The following HSF2 variants were observed in gnomAD, a reference collection of about 807,000 sequenced individuals.
HSF2 encodes the protein heat shock transcription factor 2.
Under a neutral mutation model 65.0 loss-of-function variants are expected in HSF2, and 21 were observed. The observed-to-expected ratio is 0.32, with a 90% CI of 0.23 to 0.47. The LOEUF (loss-of-function observed/expected upper bound fraction) is 0.47, where lower values mean the gene tolerates loss of function less well. Ranked by LOEUF, HSF2 falls within the 20% of genes least tolerant of loss-of-function variation. The pLI, the probability that HSF2 is intolerant of heterozygous loss-of-function variation, is 1.00. For synonymous variants in HSF2, 225 were observed against 219.1 expected, an observed-to-expected ratio of 1.03 and a Z score of -0.24; for missense variants, 499 against 628.1, an observed-to-expected ratio of 0.79 and a Z score of 2.20.
intron 1 of HSF2, 119 bp downstream of exon 1, chr6:122,399,949 G>A: frequency 1.3e-6 from 1 of 783,442 alleles, no homozygotes; most frequent in Non-Finnish European, 2.1e-6. Flanking sequence ...CCCGCGGTGC[G>A]GGGCCTTGGC....
chr6:122,422,753 A>G lies in HSF2; in HGVS notation c.866A>G (p.Asp289Gly), dbSNP rs1347543515. ...SQYPDIVIVEDDNEDEYAPVI... is the reference protein window; with the variant it reads ...SQYPDIVIVEGDNEDEYAPVI... ...TACCCTGATATTGTCATCGTTGAAGATGACAATGAAGATGAGTATGCACCT... is the reference window on the plus strand; with the variant it reads ...TACCCTGATATTGTCATCGTTGAAGGTGACAATGAAGATGAGTATGCACCT... The change falls in exon 9 of 13, where the codon GAT becomes GGT. Residue 289 changes from aspartate to glycine, a missense_variant. Coordinates refer to ENST00000368455, the MANE Select transcript of HSF2 (RefSeq NM_004506.4). 1.2e-6 allele frequency: 2 copies of G among 1,613,308 alleles called. No individual in the cohort carries two copies. The highest frequency in any genetic ancestry group is 1.3e-5 in the African/African-American group (1 of 74,884).
At position 122,416,309 on chromosome 6, in the gene HSF2, T is replaced by A; in HGVS notation, c.531+13T>A. 1 of 1,591,502 alleles carries A rather than the reference T, an allele frequency of 6.3e-7. No individual in the cohort carries two copies. Among genetic ancestry groups the A allele is most frequent in the Non-Finnish European group, 8.6e-7 (1 of 1,159,892 alleles). On this transcript the variant is annotated intron_variant, in intron 5 of 12. Transcript: ENST00000368455. ...AGTTATTCGAAAGGTAAGAAGCTCT[T>A]TTCCCCAGGACCATAATTTGCATTT...
In HSF2 at chr6:122,400,927, C is replaced by T. The variant is rs1278337382; in HGVS notation, c.93+1097C>T. On this transcript the variant is annotated intron_variant, in intron 1 of 12. Transcript: ENST00000368455. ...GTGCTGAGTAAATGTTATCTCCCGT[C>T]CTCCTTTCTTTCCTGTTCTCCTATT... 5.9e-5 allele frequency among the ~76,000 whole-genome samples: 9 copies of T among 152,174 alleles called. No individual in the cohort carries two copies. The East Asian group carries it at 1.3e-3, about 23-fold the overall frequency.
chr6:122,432,795 C>T lies in HSF2; in HGVS notation c.*575C>T, dbSNP rs1022855039. ...GAAAGACAAAGTGTACGTGAATGCT[C>T]GCTGTCTGATAGGGTTCCAGCTCCA... On this transcript the variant is annotated 3_prime_UTR_variant, in exon 13 of 13. Coordinates refer to ENST00000368455, the MANE Select transcript of HSF2 (RefSeq NM_004506.4). 1.3e-5 allele frequency: 2 copies of T among 152,464 alleles called. No individual in the cohort carries two copies. Among genetic ancestry groups the T allele is most frequent in the East Asian group, 1.9e-4 (1 of 5,198 alleles). 9.4% of individuals were successfully genotyped at this position (152,464 alleles called of 1,614,324 possible). A position where few individuals can be genotyped will look rare whatever the true frequency, so the allele number is the denominator to read the frequency against.
At chr6:122,419,099 T>C (rs1774180898) in intron 5 of HSF2, 69 bp from the exon 6 acceptor site, 1 of 733,972 alleles carries the variant, frequency 1.4e-6, no homozygotes, top group South Asian at 1.7e-5. Flanking sequence ...ATTTGTTTTA[T>C]AAGACTTGGT....
chr6:122,423,262 C>T (rs964768943), intron 9 of HSF2, among the ~76,000 whole-genome samples: 3 of 151,986 alleles, frequency 2.0e-5, no homozygotes, highest in African/African-American at 7.2e-5. Flanking sequence ...TAGTAAGGTA[C>T]TTATAACAAA....
intron 1 of HSF2, among the ~76,000 whole-genome samples, chr6:122,411,862 C>T (rs1172778169): frequency 6.6e-6 from 1 of 151,782 alleles, no homozygotes; most frequent in African/African-American, 2.4e-5. Flanking sequence ...TAGAGAAAAA[C>T]ACTAGTGACT....
At chr6:122,410,865 A>G (rs971980781) in intron 1 of HSF2, among the ~76,000 whole-genome samples, 3 of 150,158 alleles carry the variant, frequency 2.0e-5, no homozygotes, top group Admixed American at 6.6e-5. Flanking sequence ...GAAAAATGCT[A>G]CTGTGAACAT....
At chr6:122,400,588 G>T (rs1773706221) in intron 1 of HSF2, among the ~76,000 whole-genome samples, 1 of 152,160 alleles carries the variant, frequency 6.6e-6, no homozygotes, top group African/African-American at 2.4e-5. Flanking sequence ...TCTCAACTCT[G>T]CTTCTAAACA....
At chr6:122,412,349 T>A in intron 1 of HSF2, 24 bp from the exon 2 acceptor site, 1 of 1,410,494 alleles carries the variant, frequency 7.1e-7, no homozygotes, top group East Asian at 2.3e-5. Flanking sequence ...AATTTACTTT[T>A]TCTTTTTTTT....
intron 4 of HSF2, among the ~76,000 whole-genome samples, 188 bp from the exon 5 acceptor site, chr6:122,416,033 T>C (rs778480594): frequency 1.3e-5 from 2 of 151,974 alleles, no homozygotes; most frequent in Admixed American, 6.6e-5. Flanking sequence ...AAAAAAAGAA[T>C]GATTCAGGAG....
intron 11 of HSF2, 21 bp from the exon 12 acceptor site, chr6:122,431,409 A>G: frequency 8.3e-7 from 1 of 1,200,950 alleles, no homozygotes; most frequent in South Asian, 1.6e-5. Flanking sequence ...AAGTACTTAT[A>G]TATATATTTT....
chr6:122,416,218 T>C lies in HSF2; in HGVS notation c.456-3T>C, dbSNP rs760010056. The C allele has an allele frequency of 1.3e-6, 2 of 1,576,416 alleles. No individual in the cohort carries two copies. The highest frequency in any genetic ancestry group is 2.2e-5 in the East Asian group (1 of 44,656). ...TTTTGTTGCTTAATAAATTATAACA[T>C]AGTGAGAATGAGTCCCTTTGGAAGG... On this transcript the variant is annotated splice_polypyrimidine_tract_variant and splice_region_variant and intron_variant, in intron 4 of 12. Transcript: ENST00000368455.
chr6:122,408,401 G>A (rs1773914071), intron 1 of HSF2, among the ~76,000 whole-genome samples: 1 of 151,588 alleles, frequency 6.6e-6, no homozygotes, highest in Non-Finnish European at 1.5e-5. Context: ...TCAGATTAGG[G>A]AAAATCGATA....
Position 122,412,642 on chromosome 6 carries a change from T to G in HSF2, c.208T>G (p.Phe70Val). ...SFVRQLNMYG[F>V]RKVVHIDSGI... ...GAATTTTGAATATTTTTCAGATGGT[T>G]TCCGTAAAGTAGTACATATCGACTC... The change falls in exon 3 of 13, where the codon TTC becomes GTC. Residue 70 changes from phenylalanine to valine, a missense_variant. Coordinates refer to ENST00000368455, the MANE Select transcript of HSF2 (RefSeq NM_004506.4). 2 of 1,609,076 alleles carry G rather than the reference T, an allele frequency of 1.2e-6. No homozygotes were observed. Among genetic ancestry groups the G allele is most frequent in the Non-Finnish European group, 1.7e-6 (2 of 1,176,764 alleles).
chr6:122,412,417 A>C lies in HSF2; in HGVS notation c.138A>C (p.Lys46Asn). 6.2e-7 allele frequency: 1 copy of C among 1,613,020 alleles called. No individual in the cohort carries two copies. The highest frequency in any genetic ancestry group is 1.7e-5 in the Admixed American group (1 of 59,952). Residue 46 changes from lysine to asparagine, a missense_variant, in exon 2 of 13, where the codon AAA becomes AAC. Lys to Asn is a moderately conservative substitution (Grantham distance 94). Coordinates refer to ENST00000368455, the MANE Select transcript of HSF2 (RefSeq NM_004506.4). ...FLVLDEQRFA[K>N]EILPKYFKHN... ...TCTTGGATGAGCAACGATTTGCAAAAGAAATTCTTCCCAAATATTTCAAGC... is the reference window on the plus strand; with the variant it reads ...TCTTGGATGAGCAACGATTTGCAAACGAAATTCTTCCCAAATATTTCAAGC...
chr6:122,412,030 C>T (rs2114431799), intron 1 of HSF2, among the ~76,000 whole-genome samples: 1 of 151,720 alleles, frequency 6.6e-6, no homozygotes, highest in South Asian at 2.1e-4. Flanking sequence ...GTCTTAATTG[C>T]ACTAGTTTTA....
intron 1 of HSF2, among the ~76,000 whole-genome samples, chr6:122,406,913 C>G (rs1382792061): frequency 6.6e-6 from 1 of 152,124 alleles, no homozygotes; most frequent in East Asian, 1.9e-4. Context: ...AACAGCTTGA[C>G]TGACTTCCAC....
rs748153321 is a variant in HSF2, at chr6:122,419,157, A to AT, written c.532-4dup. 16 of 1,337,294 alleles carry AT rather than the reference A, an allele frequency of 1.2e-5. No individual in the cohort carries two copies. The highest frequency in any genetic ancestry group is 7.0e-5 in the East Asian group (3 of 43,050). The allele number at this position is 1,337,294 out of a possible 1,614,324, so 82.8% of individuals were successfully genotyped here. On this transcript the variant is annotated splice_polypyrimidine_tract_variant and intron_variant, in intron 5 of 12. Transcript: ENST00000368455. ...GTATAATGAAATAATTTTTGTTTAT[A>AT]TTTTTTTCAGATTGTCCAGTTTATT...
Sources: allele counts gnomAD v4.1 joint callset (sites outside exome capture counted in the v4.1 genomes callset), GRCh38; gene constraint gnomAD v4.1.1; transcripts MANE v1.5; gene names NCBI Gene and HGNC (gene_info 2026-07-23, HGNC 2026-07-21).